The following BMP2K variants were observed in gnomAD, a reference collection of about 807,000 sequenced individuals.
BMP2K encodes the protein BMP2 inducible kinase, also known as BMP-2-inducible protein kinase.
In BMP2K, 74 loss-of-function variants were observed where a neutral mutation model predicts 116.0. The observed-to-expected ratio is 0.64, with a 90% CI of 0.53 to 0.77. The LOEUF is 0.77. Among genes scored for constraint, BMP2K ranks in the 30% least tolerant of loss-of-function variants. The pLI is 0.00. For missense variants in BMP2K, 1,365 were observed against 1,403.6 expected, an observed-to-expected ratio of 0.97 and a Z score of 0.44; for synonymous variants, 486 against 502.5, an observed-to-expected ratio of 0.97 and a Z score of 0.44.
At chr4:78,841,410 G>A (rs187568813) in intron 3 of BMP2K, among the ~76,000 whole-genome samples, 78 of 152,122 alleles carry the variant, frequency 5.1e-4, no homozygotes, top group African/African-American at 1.8e-3. Flanking sequence ...ATCATTATTA[G>A]ACTATCAATT....
chr4:78,782,776 T>G (rs991698713), intron 1 of BMP2K, among the ~76,000 whole-genome samples: 2 of 152,234 alleles, frequency 1.3e-5, no homozygotes, highest in African/African-American at 2.4e-5. Context: ...TTGTTTTACA[T>G]TTTGTGGTTA....
chr4:78,897,867 C>A (rs1733785633), intron 15 of BMP2K, among the ~76,000 whole-genome samples: 1 of 152,188 alleles, frequency 6.6e-6, no homozygotes, highest in African/African-American at 2.4e-5. Flanking sequence ...CCTTGCCTCT[C>A]AAGGACTTCG....
intron 1 of BMP2K, among the ~76,000 whole-genome samples, chr4:78,791,945 T>G (rs1048759015): frequency 6.6e-6 from 1 of 152,204 alleles, no homozygotes; most frequent in African/African-American, 2.4e-5. Context: ...CTTTCATGCC[T>G]TTTTGGTATA....
At chr4:78,850,896 A>G (rs374919012) in intron 6 of BMP2K, 28 bp from the exon 7 acceptor site, 175 of 1,605,820 alleles carry the variant, frequency 1.1e-4, no homozygotes, top group Non-Finnish European at 1.3e-4. Flanking sequence ...TTGAGCTCTA[A>G]TGATATTTAT....
chr4:78,836,145 C>T (rs1730465741), intron 3 of BMP2K, among the ~76,000 whole-genome samples: 1 of 152,040 alleles, frequency 6.6e-6, no homozygotes, highest in Non-Finnish European at 1.5e-5. Flanking sequence ...TGGCTGGGCG[C>T]CGTGGCTCAC....
chr4:78,913,286 TCTG>T lies in BMP2K; in HGVS notation c.*1256_*1258del, dbSNP rs1560563046. 6.6e-6 allele frequency: 1 copy of T among 152,182 alleles called. No individual in the cohort carries two copies. The highest frequency in any genetic ancestry group is 2.4e-5 in the African/African-American group (1 of 41,462). 9.4% of individuals were successfully genotyped at this position (152,182 alleles called of 1,614,324 possible). ...ATATAAGGTGGACTAGCATCTTAATTCTGCTAGTTGATTGTGTCTTTACTGAAA... is the reference window on the plus strand; with the variant it reads ...ATATAAGGTGGACTAGCATCTTAATTCTAGTTGATTGTGTCTTTACTGAAA... On this transcript the variant is annotated 3_prime_UTR_variant, in exon 16 of 16. Transcript: ENST00000502613.
chr4:78,817,271 A>G (rs115118331), intron 1 of BMP2K, among the ~76,000 whole-genome samples: 224 of 152,358 alleles, frequency 1.5e-3, no homozygotes, highest in African/African-American at 4.8e-3. Flanking sequence ...GAGTTAGCAC[A>G]GACTCCACAG....
chr4:78,825,504 A>G (rs1468622657), intron 1 of BMP2K, among the ~76,000 whole-genome samples: 1 of 152,240 alleles, frequency 6.6e-6, no homozygotes, highest in Non-Finnish European at 1.5e-5. Flanking sequence ...CTGACTTTAC[A>G]TGTTCAATTA....
Position 78,916,091 on chromosome 4 carries a change from A to G in BMP2K, c.*4058A>G, listed in dbSNP as rs1300640820. 1.5e-4 allele frequency: 23 copies of G among 151,976 alleles called. No homozygotes were observed. 9.4% of individuals were successfully genotyped at this position (151,976 alleles called of 1,614,324 possible). On this transcript the variant is annotated 3_prime_UTR_variant, in exon 16 of 16. Coordinates refer to ENST00000502613, the MANE Select transcript of BMP2K (RefSeq NM_198892.2). ...ACTTGTTACAAAACATACTTGCTAAAGTAACTTCAGTCCTCAAATATAGCT... is the reference window on the plus strand; with the variant it reads ...ACTTGTTACAAAACATACTTGCTAAGGTAACTTCAGTCCTCAAATATAGCT...
At chr4:78,829,667 T>A (rs1730057494) in intron 2 of BMP2K, among the ~76,000 whole-genome samples, 1 of 152,158 alleles carries the variant, frequency 6.6e-6, no homozygotes, top group African/African-American at 2.4e-5. Context: ...AGAAATATAT[T>A]TTTTAAATAA....
At chr4:78,828,880 G>A (rs866019168) in intron 2 of BMP2K, among the ~76,000 whole-genome samples, 22 of 152,222 alleles carry the variant, frequency 1.4e-4, no homozygotes, top group African/African-American at 5.1e-4. Flanking sequence ...GACTGATCAG[G>A]GTAGTGGTTG....
chr4:78,874,161 A>G (rs1732522530), intron 13 of BMP2K, among the ~76,000 whole-genome samples: 1 of 150,338 alleles, frequency 6.7e-6, no homozygotes, highest in Non-Finnish European at 1.5e-5. Flanking sequence ...CTGGCAACAG[A>G]GCGAGACTCC....
intron 1 of BMP2K, among the ~76,000 whole-genome samples, chr4:78,796,886 G>A (rs1404362337): frequency 2.6e-5 from 4 of 152,114 alleles, no homozygotes; most frequent in African/African-American, 4.8e-5. Flanking sequence ...AAATGTGACC[G>A]TGATGTAGGA....
intron 15 of BMP2K, among the ~76,000 whole-genome samples, chr4:78,899,456 C>T (rs1352772297): frequency 6.6e-6 from 1 of 151,974 alleles, no homozygotes; most frequent in Non-Finnish European, 1.5e-5. Context: ...AGAAGACATC[C>T]AAGACAGAAA....
At chr4:78,895,171 TA>T (rs1313708134) in intron 15 of BMP2K, among the ~76,000 whole-genome samples, 1 of 152,198 alleles carries the variant, frequency 6.6e-6, no homozygotes, top group Non-Finnish European at 1.5e-5. Context: ...CACATGCTTT[TA>T]AAAAAATGGC....
rs2110112239 is a variant in BMP2K at position 78,912,117 on chromosome 4, T to C, written c.*84T>C. Reference sequence around the variant, plus strand: ...TGAATTTGAAAGAAAATTTGGTAGCTCTTTATAGCATTCATTCTTAAAGAT... The same window carrying C: ...TGAATTTGAAAGAAAATTTGGTAGCCCTTTATAGCATTCATTCTTAAAGAT... On this transcript the variant is annotated 3_prime_UTR_variant, in exon 16 of 16. Coordinates refer to ENST00000502613, the MANE Select transcript of BMP2K (RefSeq NM_198892.2). The C allele has an allele frequency of 2.5e-6, 3 of 1,218,976 alleles. No homozygotes were observed. The highest frequency in any genetic ancestry group is 2.9e-5 in the South Asian group (2 of 68,988). The allele number at this position is 1,218,976 out of a possible 1,614,324, so 75.5% of individuals were successfully genotyped here.
intron 5 of BMP2K, among the ~76,000 whole-genome samples, chr4:78,845,890 A>C (rs1208113828): frequency 6.6e-6 from 1 of 151,642 alleles, no homozygotes; most frequent in Non-Finnish European, 1.5e-5. Flanking sequence ...GTAGATTTCT[A>C]CGCTACATAC....
At chr4:78,907,057 T>C (rs1734322459) in intron 15 of BMP2K, among the ~76,000 whole-genome samples, 2 of 152,162 alleles carry the variant, frequency 1.3e-5, no homozygotes, top group Admixed American at 6.6e-5. Context: ...TGAATCATGG[T>C]TGTATCTAAA....
At chr4:78,865,910 G>C in intron 10 of BMP2K, 190 bp downstream of exon 10, 1 of 586,890 alleles carries the variant, frequency 1.7e-6, no homozygotes, top group South Asian at 2.8e-5. Flanking sequence ...GCAAAGGGAA[G>C]TTACTGGCAA....
Sources: gnomAD v4.1 joint callset for allele counts (sites outside exome capture counted in the v4.1 genomes callset) on GRCh38, gnomAD v4.1.1 for gene constraint, MANE v1.5 for transcripts, NCBI Gene and HGNC (gene_info 2026-07-23, HGNC 2026-07-21) for gene names.